TNS2: variants seen among roughly 807,000 people sequenced by gnomAD.
TNS2 encodes the protein tensin 2.
A neutral mutation model predicts 155.7 loss-of-function variants in TNS2; 77 were observed. The ratio of observed to expected loss-of-function variants is 0.49; its 90% CI spans 0.41 to 0.60. TNS2 has a LOEUF of 0.60. Among genes scored for constraint, TNS2 ranks in the 20% least tolerant of loss-of-function variants. TNS2 has a pLI of 0.00. For synonymous variants in TNS2, 726 were observed against 763.9 expected, an observed-to-expected ratio of 0.95 and a Z score of 0.82; for missense variants, 1,703 against 1,868.8, an observed-to-expected ratio of 0.91 and a Z score of 1.64.
At chr12:53,057,930 G>A in intron 13 of TNS2, 97 bp downstream of exon 13, 1 of 1,608,542 alleles carries the variant, frequency 6.2e-7, no homozygotes, top group Admixed American at 1.7e-5. Context: ...ACCTGGGCAG[G>A]GCTCAGACTC....
At position 53,058,748 on chromosome 12, in the gene TNS2, C is replaced by A; in HGVS notation, c.1326C>A (p.Val442=). 6.2e-7 allele frequency: 1 copy of A among 1,613,980 alleles called. No individual in the cohort carries two copies. Among genetic ancestry groups the A allele is most frequent in the South Asian group, 1.1e-5 (1 of 91,076 alleles). Residue 442 remains valine, a synonymous_variant, in exon 17 of 29, where the codon GTC becomes GTA. Coordinates refer to ENST00000314250, the MANE Select transcript of TNS2 (RefSeq NM_170754.4). ...CACGGAACGACCCCTCGGTCTCTGT[C>A]GACTACAACACCACTGAGCCAGCCG... is the stretch of plus-strand genomic sequence containing the variant. ...STPRNDPSVS[V]DYNTTEPAVR... is the part of the protein sequence containing the mutation.
intron 2 of TNS2, 145 bp from the exon 3 acceptor site, chr12:53,052,310 G>C (rs1428581409): frequency 2.0e-6 from 2 of 1,008,854 alleles, no homozygotes; most frequent in Non-Finnish European, 3.0e-6. Flanking sequence ...ACCTAGCCCT[G>C]CTCCTCTGCC....
rs756361370 is a variant in TNS2 at position 53,060,405 on chromosome 12, A to G, written c.2618A>G (p.Glu873Gly). The change falls in exon 19 of 29, where the codon GAG (glutamate) becomes GGG (glycine). Residue 873 changes from glutamate to glycine, a missense_variant and splice_region_variant. Glu to Gly is a moderately conservative substitution (Grantham distance 98). Transcript: ENST00000314250. The surrounding 1 kb of genome is among the most constrained non-coding windows in gnomAD (Gnocchi z 6.1). Reference protein sequence around the residue: ...LASAGPLASAESLEPVSWREG... With the variant: ...LASAGPLASAGSLEPVSWREG... ...AGCCCACCTCTCCCCTTCACTGCAGAGTCGCTGGAGCCGGTGTCCTGGAGG... is the reference window on the plus strand; with the variant it reads ...AGCCCACCTCTCCCCTTCACTGCAGGGTCGCTGGAGCCGGTGTCCTGGAGG... 4 of 1,612,194 alleles carry G rather than the reference A, an allele frequency of 2.5e-6. No homozygotes were observed. The African/African-American group carries it at 4.0e-5, about 16-fold the overall frequency.
At chr12:53,049,787 C>A, upstream of TNS2, 1 of 275,596 alleles carries the variant, frequency 3.6e-6, no homozygotes, top group Non-Finnish European at 7.0e-6. Context: ...CCAGAATTCT[C>A]ACCCGGCCCC....
At position 53,061,820 on chromosome 12, in the gene TNS2, G is replaced by A; in HGVS notation, c.3454G>A (p.Ala1152Thr). 6.2e-7 allele frequency: 1 copy of A among 1,612,656 alleles called. No individual in the cohort carries two copies. The highest frequency in any genetic ancestry group is 2.2e-5 in the East Asian group (1 of 44,876). ...KPHLSRDQAI[A>T]LLKDKDPGAF... ...CGCTACCCCTCACCCTGCAGCCATT[G>A]CCCTGCTGAAGGACAAGGACCCTGG... Residue 1152 changes from alanine (A) to threonine (T), a missense_variant, in exon 22 of 29, where the codon GCC becomes ACC. By Grantham distance (58) the Ala-to-Thr change is moderately conservative. Coordinates refer to ENST00000314250, the MANE Select transcript of TNS2 (RefSeq NM_170754.4).
chr12:53,053,064 G>C (rs541380217), intron 3 of TNS2: 32 of 378,362 alleles, frequency 8.5e-5, no homozygotes, highest in East Asian at 1.3e-4. Context: ...TGGCTTGGGG[G>C]AGCTGTGTGC....
chr12:53,060,570 C>T lies in TNS2; in HGVS notation c.2768+15C>T, dbSNP rs376547311. The T allele has an allele frequency of 6.8e-6, 11 of 1,609,438 alleles. No individual in the cohort carries two copies. Among genetic ancestry groups the T allele is most frequent in the African/African-American group, 6.7e-5 (5 of 74,822 alleles). ...GGCAAGGAAAGGTATGCAGAGGGGC[C>T]GGGGATGCTCGAGTGCTTTCTTGTC... is the stretch of plus-strand genomic sequence containing the variant. On this transcript the variant is annotated intron_variant, in intron 19 of 28. Transcript: ENST00000314250. This position sits in a 1 kb window ranked among gnomAD's most constrained non-coding sequence, Gnocchi z 6.1.
At position 53,060,624 on chromosome 12, in the gene TNS2, G is replaced by A; in HGVS notation, c.2769-51G>A. ...GCAGTTGATGAAGGCAGGTGGGGTG[G>A]GAGCAGCCACAATGGGGGCTCTGCT... On this transcript the variant is annotated intron_variant, in intron 19 of 28. Coordinates refer to ENST00000314250, the MANE Select transcript of TNS2 (RefSeq NM_170754.4). This position sits in a 1 kb window ranked among gnomAD's most constrained non-coding sequence, Gnocchi z 6.1. 6.3e-7 allele frequency: 1 copy of A among 1,591,618 alleles called. No individual in the cohort carries two copies. Among genetic ancestry groups the A allele is most frequent in the Non-Finnish European group, 8.6e-7 (1 of 1,167,040 alleles).
chr12:53,054,382 C>T lies in TNS2; in HGVS notation c.463C>T (p.Arg155Trp), dbSNP rs373949417. ...CGCGCGGCCCGATGAACAGCGGCAC[C>T]GGGGCCACCTGCGCGAGCTGGCCCA... ...FPARPDEQRH[R>W]GHLRELAHVL... The change falls in exon 7 of 29, where the codon CGG becomes TGG. Residue 155 changes from arginine to tryptophan, a missense_variant. Physicochemically the swap from Arg to Trp is moderately radical, Grantham distance 101. Transcript: ENST00000314250. 1.8e-4 allele frequency: 286 copies of T among 1,611,446 alleles called. No individual in the cohort carries two copies. In the Middle Eastern group the frequency reaches 4.0e-3, roughly 22 times the overall value.
rs751778832 is a variant in TNS2, at chr12:53,060,131, C to T, written c.2490C>T (p.Ser830=). 1 of 1,610,562 alleles carries T rather than the reference C, an allele frequency of 6.2e-7. No individual in the cohort carries two copies. Among genetic ancestry groups the T allele is most frequent in the Admixed American group, 1.7e-5 (1 of 59,872 alleles). ...GTGCCCACTCCCCACGGGCTGGCTC[C>T]ATTTCCCCGGGCAGCCCGCCCTATC... is the stretch of plus-strand genomic sequence containing the variant. ...SPGAHSPRAG[S]ISPGSPPYPQ... Residue 830 remains serine, a synonymous_variant, in exon 18 of 29, where the codon TCC becomes TCT. Transcript: ENST00000314250. The surrounding 1 kb of genome is among the most constrained non-coding windows in gnomAD (Gnocchi z 6.1).
chr12:53,062,833 G>C (rs1420785421), intron 25 of TNS2, 136 bp downstream of exon 25: 5 of 1,124,868 alleles, frequency 4.4e-6, no homozygotes, highest in Non-Finnish European at 6.3e-6. Context: ...GCCCCATACT[G>C]TCGGGGATGA....
chr12:53,047,460 G>T (rs1333848651), upstream of TNS2, among the ~76,000 whole-genome samples: 2 of 142,530 alleles, frequency 1.4e-5, no homozygotes, highest in Admixed American at 6.9e-5. Context: ...AGGGGGCGCG[G>T]GGCCGCCGGA....
At chr12:53,051,213 A>C (rs140784572) in intron 1 of TNS2, among the ~76,000 whole-genome samples, 58 of 152,336 alleles carry the variant, frequency 3.8e-4, no homozygotes, top group Non-Finnish European at 7.6e-4. Flanking sequence ...ATCCAAAGCC[A>C]GCTAAACATC....
chr12:53,058,993 T>C (rs575704752), intron 17 of TNS2, 54 bp from the exon 18 acceptor site: 2 of 1,536,074 alleles, frequency 1.3e-6, no homozygotes, highest in African/African-American at 1.4e-5. Context: ...GAATTTTCTC[T>C]CTCCCTCCCT....
Position 53,057,982 on chromosome 12 carries a change from G to A in TNS2, c.1020-45G>A, listed in dbSNP as rs189877177. On this transcript the variant is annotated intron_variant, in intron 13 of 28. Coordinates refer to ENST00000314250, the MANE Select transcript of TNS2 (RefSeq NM_170754.4). ...CCTGACTGCATAGCTGCCTCTGCAC[G>A]CAGGAGCTTCTGGTTCATCTCTGCC... 89 of 1,612,232 alleles carry A rather than the reference G, an allele frequency of 5.5e-5. No individual in the cohort carries two copies. The Middle Eastern group carries it at 8.5e-4, about 15-fold the overall frequency.
chr12:53,047,881 C>G (rs1390785289), upstream of TNS2, among the ~76,000 whole-genome samples: 1 of 152,204 alleles, frequency 6.6e-6, no homozygotes, highest in Non-Finnish European at 1.5e-5. Context: ...GCCGCCCTCC[C>G]TCGCTCCTTC....
intron 3 of TNS2, 74 bp downstream of exon 3, chr12:53,052,566 CCA>C: frequency 6.3e-7 from 1 of 1,588,134 alleles, no homozygotes; most frequent in Non-Finnish European, 8.6e-7. Context: ...GCTTCTGCAA[CCA>C]CACTGGCATC....
chr12:53,064,033 T>C lies in TNS2; in HGVS notation c.*151T>C. On this transcript the variant is annotated 3_prime_UTR_variant, in exon 29 of 29. Coordinates refer to ENST00000314250, the MANE Select transcript of TNS2 (RefSeq NM_170754.4). ...GGGCATCAGGCCTGGGACACTGCTC[T>C]CCTTCCCCGCCCCCAGCCTGCTAAG... 3.7e-6 allele frequency: 3 copies of C among 813,686 alleles called. No homozygotes were observed. The highest frequency in any genetic ancestry group is 2.7e-5 in the East Asian group (1 of 36,866). 50.4% of individuals were successfully genotyped at this position (813,686 alleles called of 1,614,324 possible).
intron 8 of TNS2, 119 bp from the exon 9 acceptor site, chr12:53,055,449 G>T: frequency 7.5e-7 from 1 of 1,334,372 alleles, no homozygotes; most frequent in South Asian, 1.4e-5. Flanking sequence ...GGCTATCATG[G>T]ACAACCAGCA....
Sources: allele counts gnomAD v4.1 joint callset (sites outside exome capture counted in the v4.1 genomes callset), GRCh38; gene constraint gnomAD v4.1.1; non-coding constraint Gnocchi (gnomAD v3.1); transcripts MANE v1.5; gene names NCBI Gene and HGNC (gene_info 2026-07-23, HGNC 2026-07-21).